ODF1: variants seen among roughly 807,000 people sequenced by gnomAD.
ODF1 encodes the protein outer dense fiber protein 1.
ODF1 carries 10 observed loss-of-function variants against 24.0 expected under a neutral mutation model. That is an observed-to-expected ratio of 0.42 (90% CI 0.26 to 0.71). The LOEUF is 0.71. ODF1 is among the 30% of genes least tolerant of loss of function. The pLI is 0.28. For synonymous variants in ODF1, 118 were observed against 121.3 expected, an observed-to-expected ratio of 0.97 and a Z score of 0.18; for missense variants, 282 against 307.9, an observed-to-expected ratio of 0.92 and a Z score of 0.63.
chr8:102,552,600 A>G (rs374923439), intron 1 of ODF1, among the ~76,000 whole-genome samples: 24 of 152,254 alleles, frequency 1.6e-4, no homozygotes, highest in Middle Eastern at 3.4e-3. Context: ...TAGGTCTATC[A>G]TGTTGGCCTC....
intron 1 of ODF1, among the ~76,000 whole-genome samples, chr8:102,554,638 T>A (rs1275312643): frequency 1.3e-5 from 2 of 152,146 alleles, no homozygotes; most frequent in East Asian, 3.9e-4. Flanking sequence ...GTGTGTGGTG[T>A]TTTCTTAGAC....
chr8:102,555,454 C>T lies in ODF1; in HGVS notation c.320+3407C>T, dbSNP rs113266649. ...AATCCTGAGACCGTGTTTCTGTCCA[C>T]GTACCCAAGTGTCTGTTGTTGGCAC... On this transcript the variant is annotated intron_variant, in intron 1 of 1. Transcript: ENST00000285402. Among the ~76,000 whole-genome samples the T allele has an allele frequency of 1.4e-3, 218 of 152,324 alleles. 2 individuals carry two copies. The highest frequency in any genetic ancestry group is 4.9e-3 in the African/African-American group (205 of 41,568).
At position 102,560,514 on chromosome 8, in the gene ODF1, C is replaced by T. The variant is rs1826165076; in HGVS notation, c.383C>T (p.Ser128Leu). 7 of 1,614,064 alleles carry T rather than the reference C, an allele frequency of 4.3e-6. No homozygotes were observed. The highest frequency in any genetic ancestry group is 1.1e-5 in the South Asian group (1 of 91,074). The stretch of plus-strand genomic sequence containing the variant: ...TGCTGTAGCAGTAACATTTTAGGAT[C>T]GGTGAATGTATGCGGTTTTGAACCC... ...SSCCSSNILG[S>L]VNVCGFEPDQ... The change falls in exon 2 of 2, where the codon TCG becomes TTG. Residue 128 changes from serine to leucine, a missense_variant. Transcript: ENST00000285402.
intron 1 of ODF1, among the ~76,000 whole-genome samples, chr8:102,552,599 C>T (rs1265777978): frequency 6.6e-6 from 1 of 152,164 alleles, no homozygotes; most frequent in African/African-American, 2.4e-5. Context: ...TTAGGTCTAT[C>T]ATGTTGGCCT....
chr8:102,558,270 T>C (rs894687402), intron 1 of ODF1, among the ~76,000 whole-genome samples: 1 of 152,020 alleles, frequency 6.6e-6, no homozygotes, highest in African/African-American at 2.4e-5. Flanking sequence ...GCTAACACGG[T>C]GAAACACCTT....
rs1383083223 is a variant in ODF1, at chr8:102,551,707, G to C, written c.-21G>C. The stretch of plus-strand genomic sequence containing the variant: ...GTGCCATTTCCCAAAGGTACTCACA[G>C]AACAATCAGGTGTGACCATAATGGC... On this transcript the variant is annotated 5_prime_UTR_variant, in exon 1 of 2. Transcript: ENST00000285402. 6.5e-7 allele frequency: 1 copy of C among 1,544,154 alleles called. No individual in the cohort carries two copies.
At position 102,560,784 on chromosome 8, in the gene ODF1, G is replaced by A. The variant is rs767395948; in HGVS notation, c.653G>A (p.Cys218Tyr). ...PCSPCSPCSP[C>Y]NPCSPCNPCS... ...AGCCCCTGCAGCCCCTGCAGCCCCT[G>A]CAACCCCTGCAGCCCCTGCAACCCG... The change falls in exon 2 of 2, where the codon TGC (cysteine) becomes TAC (tyrosine). Residue 218 changes from cysteine to tyrosine, a missense_variant. Coordinates refer to ENST00000285402, the MANE Select transcript of ODF1 (RefSeq NM_024410.4). The A allele has an allele frequency of 3.3e-5, 29 of 887,736 alleles. No individual in the cohort carries two copies. Among genetic ancestry groups the A allele is most frequent in the Non-Finnish European group, 3.9e-5 (26 of 658,472 alleles). 55.0% of individuals were successfully genotyped at this position (887,736 alleles called of 1,614,324 possible).
Position 102,560,579 on chromosome 8 carries a change from G to A in ODF1, c.448G>A (p.Val150Met), listed in dbSNP as rs1826166572. 2 of 1,614,120 alleles carry A rather than the reference G, an allele frequency of 1.2e-6. No individual in the cohort carries two copies. The highest frequency in any genetic ancestry group is 1.7e-6 in the Non-Finnish European group (2 of 1,180,058). Residue 150 changes from valine (V) to methionine (M), a missense_variant, in exon 2 of 2, where the codon GTG becomes ATG. Val to Met is a conservative substitution (Grantham distance 21). Coordinates refer to ENST00000285402, the MANE Select transcript of ODF1 (RefSeq NM_024410.4). The part of the protein sequence containing the change: ...KVRVKDGKVC[V>M]SAERENRYDC... ...TCGAGTGAAGGATGGAAAGGTATGT[G>A]TGTCGGCTGAGCGGGAGAACAGGTA...
At chr8:102,553,962 T>C (rs180815532) in intron 1 of ODF1, among the ~76,000 whole-genome samples, 1 of 152,200 alleles carries the variant, frequency 6.6e-6, no homozygotes, top group South Asian at 2.1e-4. Flanking sequence ...AAATGATAAC[T>C]CCAAGTCCAT....
intron 1 of ODF1, among the ~76,000 whole-genome samples, chr8:102,554,629 T>C (rs897094127): frequency 7.2e-5 from 11 of 152,192 alleles, no homozygotes; most frequent in Admixed American, 3.3e-4. Context: ...TTGATGCATG[T>C]GTGTGGTGTT....
chr8:102,556,484 G>T (rs966554239), intron 1 of ODF1, among the ~76,000 whole-genome samples: 8 of 151,986 alleles, frequency 5.3e-5, no homozygotes, highest in African/African-American at 1.9e-4. Flanking sequence ...GTATTGCTCT[G>T]GCGCCCAGGC....
chr8:102,560,721 A>T lies in ODF1; in HGVS notation c.590A>T (p.Lys197Met). 4 of 1,614,196 alleles carry T rather than the reference A, an allele frequency of 2.5e-6. No homozygotes were observed. Among genetic ancestry groups the T allele is most frequent in the Non-Finnish European group, 3.4e-6 (4 of 1,180,034 alleles). Residue 197 changes from lysine to methionine, a missense_variant, in exon 2 of 2, where the codon AAG becomes ATG. Coordinates refer to ENST00000285402, the MANE Select transcript of ODF1 (RefSeq NM_024410.4). ...TCCTATGGGCTCGGCAGCTGTGTCA[A>T]GATCGAGTCTCCTTGCTACCCTTGC... ...TYSYGLGSCVKIESPCYPCTS... is the reference protein window; with the variant it reads ...TYSYGLGSCVMIESPCYPCTS...
In ODF1 at chr8:102,551,678, C is replaced by A; in HGVS notation, c.-50C>A. ...GAAGGGCTTAGAACAAATTTTTTCCCGGAGTGCCATTTCCCAAAGGTACTC... is the reference window on the plus strand; with the variant it reads ...GAAGGGCTTAGAACAAATTTTTTCCAGGAGTGCCATTTCCCAAAGGTACTC... On this transcript the variant is annotated 5_prime_UTR_variant, in exon 1 of 2. Coordinates refer to ENST00000285402, the MANE Select transcript of ODF1 (RefSeq NM_024410.4). The A allele has an allele frequency of 6.8e-7, 1 of 1,474,672 alleles. No homozygotes were observed. Among genetic ancestry groups the A allele is most frequent in the Non-Finnish European group, 9.1e-7 (1 of 1,094,906 alleles). The allele number at this position is 1,474,672 out of a possible 1,614,324, so 91.3% of individuals were successfully genotyped here.
intron 1 of ODF1, among the ~76,000 whole-genome samples, chr8:102,556,418 T>G (rs1050812558): frequency 7.2e-6 from 1 of 138,068 alleles, no homozygotes; most frequent in South Asian, 2.3e-4. Context: ...ACCTGTGTTT[T>G]TTGTTGTTGT....
intron 1 of ODF1, among the ~76,000 whole-genome samples, chr8:102,559,013 G>T (rs1826146704): frequency 6.7e-6 from 1 of 149,038 alleles, no homozygotes. Context: ...AATGAAATAT[G>T]CCTTTAACAT....
intron 1 of ODF1, among the ~76,000 whole-genome samples, chr8:102,553,016 A>G (rs1826064274): frequency 1.7e-5 from 1 of 59,180 alleles, no homozygotes; most frequent in African/African-American, 6.8e-5. Context: ...AGATAGATAG[A>G]TGATAGATAG....
rs573364400 is a variant in ODF1 at position 102,554,989 on chromosome 8, AATCC to A, written c.320+2945_320+2948del. Among the ~76,000 whole-genome samples the A allele has an allele frequency of 1.3e-4, 20 of 152,158 alleles. No homozygotes were observed. In the East Asian group the frequency reaches 3.5e-3, roughly 26 times the overall value. ...TAAATAAATAAATAAAAGAAAATCCAATCCATTTCCATTCTTTATTGGGCAGCTG... is the reference window on the plus strand; with the variant it reads ...TAAATAAATAAATAAAAGAAAATCCAATTTCCATTCTTTATTGGGCAGCTG... On this transcript the variant is annotated intron_variant, in intron 1 of 1. Transcript: ENST00000285402.
rs1230573497 is a variant in ODF1, at chr8:102,560,583, C to T, written c.452C>T (p.Ser151Leu). 6.2e-6 allele frequency: 10 copies of T among 1,614,152 alleles called. No individual in the cohort carries two copies. Among genetic ancestry groups the T allele is most frequent in the South Asian group, 2.2e-5 (2 of 91,074 alleles). ...VRVKDGKVCV[S>L]AERENRYDCL... ...GTGAAGGATGGAAAGGTATGTGTGT[C>T]GGCTGAGCGGGAGAACAGGTACGAC... The change falls in exon 2 of 2, where the codon TCG becomes TTG. Residue 151 changes from serine (S) to leucine (L), a missense_variant. By Grantham distance (145) the Ser-to-Leu change is moderately radical (BLOSUM62 -2). Transcript: ENST00000285402.
intron 1 of ODF1, among the ~76,000 whole-genome samples, chr8:102,557,328 T>C (rs1587811759): frequency 6.6e-6 from 1 of 152,288 alleles, no homozygotes; most frequent in East Asian, 1.9e-4. Context: ...TTGAGTCTGA[T>C]GAGTAAAATG....
Sources: allele counts gnomAD v4.1 joint callset (sites outside exome capture counted in the v4.1 genomes callset), GRCh38; gene constraint gnomAD v4.1.1; transcripts MANE v1.5; gene names NCBI Gene and HGNC (gene_info 2026-07-23, HGNC 2026-07-21).